Variants in AVL9 observed in about 807,000 individuals in gnomAD.
AVL9 encodes the protein AVL9 cell migration associated.
A neutral mutation model predicts 79.2 loss-of-function variants in AVL9; 49 were observed. The ratio of observed to expected loss-of-function variants is 0.62; its 90% CI spans 0.49 to 0.79. The LOEUF is 0.79. Ranked by LOEUF, AVL9 falls within the 30% of genes least tolerant of loss-of-function variation. The pLI is 0.00. For synonymous variants in AVL9, 299 were observed against 280.6 expected (o/e 1.07, Z -0.65); for missense variants, 682 against 776.8 (o/e 0.88, Z 1.45).
At chr7:32,583,748 A>G in intron 15 of AVL9, 44 bp from the exon 16 acceptor site, 1 of 1,302,012 alleles carries the variant, frequency 7.7e-7, no homozygotes. Context: ...TCTCGTAACA[A>G]AAGTTAAGAC....
chr7:32,574,504 A>T (rs1439838531), intron 12 of AVL9, among the ~76,000 whole-genome samples: 2 of 150,594 alleles, frequency 1.3e-5, no homozygotes, highest in South Asian at 2.1e-4. Flanking sequence ...ATTTGCTTTT[A>T]AGCAAATTAA....
At position 32,551,413 on chromosome 7, in the gene AVL9, C is replaced by T. The variant is rs1393836772; in HGVS notation, c.452C>T (p.Ser151Phe). Residue 151 changes from serine (S) to phenylalanine (F), a missense_variant, in exon 5 of 16, where the codon TCT (serine) becomes TTT (phenylalanine). Ser to Phe is a radical substitution (Grantham distance 155). Transcript: ENST00000318709. ...GAAGAGAAGGATTTTTCCCAAATTT[C>T]TATTCTAAAGGTAACTTTATACCCC... ...YFEEKDFSQI[S>F]ILKELYEHMN... 3 of 1,598,894 alleles carry T rather than the reference C, an allele frequency of 1.9e-6. No individual in the cohort carries two copies. In the African/African-American group the frequency reaches 4.0e-5, roughly 21 times the overall value.
intron 1 of AVL9, among the ~76,000 whole-genome samples, chr7:32,500,592 A>T (rs886183710): frequency 1.3e-5 from 2 of 151,000 alleles, no homozygotes; most frequent in Admixed American, 6.6e-5. Context: ...GTTTTTTTTT[A>T]ATTTAAGCTC....
chr7:32,583,230 G>C (rs1791594938), intron 15 of AVL9, among the ~76,000 whole-genome samples: 1 of 152,182 alleles, frequency 6.6e-6, no homozygotes, highest in Admixed American at 6.5e-5. Context: ...CTAGCACTGA[G>C]GGTATTAAAG....
intron 3 of AVL9, among the ~76,000 whole-genome samples, chr7:32,548,144 C>CTGTCTTTTTTTTTTTTTTTTTTT (rs1227025763): frequency 3.5e-5 from 2 of 57,594 alleles, no homozygotes; most frequent in African/African-American, 1.1e-4. Context: ...TTTGTCATCT[C>CTGTCTTTTTTTTTTTTTTTTTTT]TTTTTTCTTT....
rs373895063 is a variant in AVL9, at chr7:32,588,557, C to CTGGT, written c.*4651_*4654dup. 21 of 152,054 alleles carry CTGGT rather than the reference C, an allele frequency of 1.4e-4. No individual in the cohort carries two copies. Among genetic ancestry groups the CTGGT allele is most frequent in the African/African-American group, 5.1e-4 (21 of 41,382 alleles). The allele number at this position is 152,054 out of a possible 1,614,324, so 9.4% of individuals were successfully genotyped here. A position where few individuals can be genotyped will look rare whatever the true frequency, so the allele number is the denominator to read the frequency against. ...GATCAGAAAGGTAGTTCTCTTTGCT[C>CTGGT]TGGTAGTTTTAAAGTTTGTACTAGT... On this transcript the variant is annotated 3_prime_UTR_variant, in exon 16 of 16. Coordinates refer to ENST00000318709, the MANE Select transcript of AVL9 (RefSeq NM_015060.3).
intron 15 of AVL9, 55 bp downstream of exon 15, chr7:32,580,945 A>G (rs1174889544): frequency 8.1e-7 from 1 of 1,236,024 alleles, no homozygotes; most frequent in African/African-American, 1.5e-5. Flanking sequence ...TCCATTTTCT[A>G]TCTTTAATAT....
intron 1 of AVL9, among the ~76,000 whole-genome samples, chr7:32,521,036 A>G (rs1788122423): frequency 6.6e-6 from 1 of 151,822 alleles, no homozygotes; most frequent in South Asian, 2.1e-4. Flanking sequence ...ACATGTAATA[A>G]TTGCCTTTAG....
chr7:32,573,976 A>G (rs1790973837), intron 12 of AVL9, among the ~76,000 whole-genome samples: 1 of 152,204 alleles, frequency 6.6e-6, no homozygotes, highest in African/African-American at 2.4e-5. Flanking sequence ...CATTAAAACT[A>G]TCTCATTCTC....
intron 1 of AVL9, among the ~76,000 whole-genome samples, chr7:32,516,767 A>T (rs1044379747): frequency 2.6e-4 from 2 of 7,618 alleles, no homozygotes; most frequent in African/African-American, 4.6e-4. Flanking sequence ...CTAGGCCTTT[A>T]AAAAAAAAAA....
At chr7:32,581,131 G>A in intron 15 of AVL9, 1 of 467,536 alleles carries the variant, frequency 2.1e-6, no homozygotes, top group Non-Finnish European at 3.8e-6. Context: ...TTGCTACCAA[G>A]ATTCAAGCTG....
At chr7:32,579,834 A>G (rs1046128020) in intron 13 of AVL9, among the ~76,000 whole-genome samples, 2 of 150,886 alleles carry the variant, frequency 1.3e-5, no homozygotes, top group South Asian at 4.2e-4. Flanking sequence ...GGTATGATCT[A>G]TGACCATGTC....
chr7:32,580,311 C>G, intron 14 of AVL9, 39 bp downstream of exon 14: 1 of 1,493,858 alleles, frequency 6.7e-7, no homozygotes, highest in East Asian at 2.3e-5. Context: ...ATTCTTAAGT[C>G]TGAATTTATG....
chr7:32,525,630 G>A (rs1454849442), intron 1 of AVL9, among the ~76,000 whole-genome samples: 1 of 152,032 alleles, frequency 6.6e-6, no homozygotes, highest in African/African-American at 2.4e-5. Flanking sequence ...CTTGGCTACA[G>A]TAATCTCTAG....
intron 1 of AVL9, among the ~76,000 whole-genome samples, chr7:32,503,414 C>T (rs1487942378): frequency 4.6e-5 from 4 of 86,124 alleles, no homozygotes; most frequent in South Asian, 7.4e-4. Flanking sequence ...ACAAATTAGC[C>T]GGGCTTGGTG....
rs112883231 is a variant in AVL9 at position 32,528,414 on chromosome 7, A to G, written c.94-14727A>G. ...TTGAGACTTGTCTCTTGTCTCAGAT[A>G]CTTTTTGGTTTACAGCTTCTAACTC... On this transcript the variant is annotated intron_variant, in intron 1 of 15. Coordinates refer to ENST00000318709, the MANE Select transcript of AVL9 (RefSeq NM_015060.3). Among the ~76,000 whole-genome samples the G allele has an allele frequency of 4.0e-3, 605 of 152,306 alleles. 8 individuals are homozygous for G. The highest frequency in any genetic ancestry group is 7.2e-3 in the Non-Finnish European group (493 of 68,026).
At chr7:32,554,518 GTCTC>G (rs878950463) in intron 7 of AVL9, 36 bp from the exon 8 acceptor site, 3 of 1,295,082 alleles carry the variant, frequency 2.3e-6, no homozygotes, top group Non-Finnish European at 3.2e-6. Context: ...ATAGGCGTGA[GTCTC>G]TCATTTCAAT....
chr7:32,539,033 C>T (rs997656564), intron 1 of AVL9: 3 of 152,232 alleles, frequency 2.0e-5, no homozygotes, highest in Admixed American at 6.6e-5. Flanking sequence ...GGGCGGATCA[C>T]CTAAAGTCGG....
At chr7:32,505,892 G>A (rs1787392462) in intron 1 of AVL9, among the ~76,000 whole-genome samples, 1 of 152,022 alleles carries the variant, frequency 6.6e-6, no homozygotes, top group Admixed American at 6.5e-5. Context: ...ATATATTTAT[G>A]TACTGAGAGC....
Sources: allele counts gnomAD v4.1 joint callset (sites outside exome capture counted in the v4.1 genomes callset), GRCh38; gene constraint gnomAD v4.1.1; transcripts MANE v1.5; gene names NCBI Gene and HGNC (gene_info 2026-07-23, HGNC 2026-07-21).